PRELID2: variants seen among roughly 807,000 people sequenced by gnomAD.
The protein encoded by PRELID2 is PRELI domain-containing protein 2.
Under a neutral mutation model 28.4 loss-of-function variants are expected in PRELID2, and 25 were observed. The observed-to-expected ratio is 0.88, with a 90% CI of 0.64 to 1.23. The LOEUF (loss-of-function observed/expected upper bound fraction) is 1.23, where lower values mean the gene tolerates loss of function less well. PRELID2 is among the 50% of genes most tolerant of loss of function. The pLI is 0.00. For synonymous variants in PRELID2, 76 were observed against 71.6 expected (o/e 1.06, Z -0.31); for missense variants, 201 against 214.4 (o/e 0.94, Z 0.39).
chr5:145,307,775 G>A, the PRELID2 span, among the ~76,000 whole-genome samples: 1 of 151,888 alleles, frequency 6.6e-6, no homozygotes, highest in East Asian at 1.9e-4. Flanking sequence ...AGCCATAAAA[G>A]CAAGACCATT....
chr5:145,639,525 TG>T (rs1444768678), intron 1 of PRELID2, among the ~76,000 whole-genome samples: 1 of 152,190 alleles, frequency 6.6e-6, no homozygotes, highest in Non-Finnish European at 1.5e-5. Flanking sequence ...TTTGGAGTCT[TG>T]GGGCTCATAG....
At chr5:145,744,031 A>G (rs935820509) in intron 1 of PRELID2, among the ~76,000 whole-genome samples, 6 of 152,228 alleles carry the variant, frequency 3.9e-5, no homozygotes, top group African/African-American at 1.4e-4. Context: ...TGTATCCCCC[A>G]TAGCCCAACA....
chr5:145,316,515 C>A, the PRELID2 span, among the ~76,000 whole-genome samples: 5 of 152,236 alleles, frequency 3.3e-5, no homozygotes, highest in Non-Finnish European at 5.9e-5. Flanking sequence ...CTTCTCCACG[C>A]CCAATGTGAA....
intron 1 of PRELID2, among the ~76,000 whole-genome samples, chr5:145,563,364 C>T (rs1752939867): frequency 6.6e-6 from 1 of 152,176 alleles, no homozygotes; most frequent in African/African-American, 2.4e-5. Context: ...GCTCCTGGAT[C>T]CACACATAAC....
At chr5:145,643,776 G>T (rs1252718160) in intron 1 of PRELID2, among the ~76,000 whole-genome samples, 3 of 152,074 alleles carry the variant, frequency 2.0e-5, no homozygotes, top group Non-Finnish European at 4.4e-5. Context: ...ATAATCATGT[G>T]GTTTTTGTCA....
chr5:145,419,301 C>T, the PRELID2 span, among the ~76,000 whole-genome samples: 1 of 132,524 alleles, frequency 7.5e-6, no homozygotes, highest in Admixed American at 8.2e-5. Context: ...TGAGGAATCG[C>T]CACACTGACT....
chr5:145,716,217 G>T (rs1654235), intron 1 of PRELID2, among the ~76,000 whole-genome samples: 28,027 of 152,110 alleles, frequency 0.18, 3,002 homozygotes, highest in African/African-American at 0.29. Flanking sequence ...ATCCTGTCTT[G>T]TTCGTCATTG....
At chr5:145,828,616 T>C (rs1193420639) in intron 1 of PRELID2, among the ~76,000 whole-genome samples, 2 of 152,132 alleles carry the variant, frequency 1.3e-5, no homozygotes, top group African/African-American at 4.8e-5. Context: ...CTGGAGAGAA[T>C]ATTTACTTGT....
At position 145,741,284 on chromosome 5, in the gene PRELID2, TATAA is replaced by T. The variant is rs1417364599; in HGVS notation, n.70+23643_70+23646del. 7.7e-3 allele frequency among the ~76,000 whole-genome samples: 845 copies of T among 109,934 alleles called. 19 individuals carry two copies. Among genetic ancestry groups the T allele is most frequent in the East Asian group, 0.074 (257 of 3,470 alleles). 72.1% of individuals were successfully genotyped at this position (109,934 alleles called of 152,430 possible). ...AATATATATTTATATTTTATGTATA[TATAA>T]ATAAATTATATATAAATAATTTATT... On this transcript the variant is annotated intron_variant and non_coding_transcript_variant, in intron 1 of 2. Coordinates refer to the PRELID2 transcript ENST00000510259.
intron 1 of PRELID2, among the ~76,000 whole-genome samples, chr5:145,646,324 C>T (rs756478251): frequency 5.9e-5 from 9 of 151,998 alleles, no homozygotes; most frequent in Admixed American, 1.3e-4. Context: ...TTGATCTGTA[C>T]GGCTATTGAT....
chr5:145,404,328 A>G, the PRELID2 span, among the ~76,000 whole-genome samples: 3,845 of 152,318 alleles, frequency 0.025, 136 homozygotes, highest in African/African-American at 0.081. Context: ...CTGTCCTTCA[A>G]AAGGACAACA....
chr5:145,580,442 T>C (rs1362833146), intron 1 of PRELID2, among the ~76,000 whole-genome samples: 1 of 152,164 alleles, frequency 6.6e-6, no homozygotes, highest in Non-Finnish European at 1.5e-5. Context: ...TTCTGGATCA[T>C]GATTTTTCTA....
At chr5:145,576,142 T>A (rs1324494670) in intron 1 of PRELID2, among the ~76,000 whole-genome samples, 1 of 152,178 alleles carries the variant, frequency 6.6e-6, no homozygotes, top group Non-Finnish European at 1.5e-5. Context: ...TACTATTTAA[T>A]TCAACCATTT....
At chr5:145,566,451 A>G (rs868774) in intron 1 of PRELID2, among the ~76,000 whole-genome samples, 6 of 152,214 alleles carry the variant, frequency 3.9e-5, no homozygotes, top group Non-Finnish European at 7.4e-5. Flanking sequence ...ATAAAGAGAC[A>G]CAAAAATGAA....
intron 1 of PRELID2, among the ~76,000 whole-genome samples, chr5:145,502,996 A>G (rs1369126372): frequency 1.3e-5 from 2 of 152,142 alleles, no homozygotes; most frequent in Non-Finnish European, 2.9e-5. Context: ...CACAGCATAC[A>G]CTTTTTAACA....
chr5:145,577,229 G>T (rs1438789923), intron 1 of PRELID2, among the ~76,000 whole-genome samples: 1 of 152,060 alleles, frequency 6.6e-6, no homozygotes, highest in Non-Finnish European at 1.5e-5. Flanking sequence ...GCATCAAACA[G>T]ACAAAATAAA....
chr5:145,821,152 G>GGGGTGTGTGTGTGTGTGTGTGT (rs1471788872), intron 2 of PRELID2, among the ~76,000 whole-genome samples: 13 of 88,264 alleles, frequency 1.5e-4, no homozygotes, highest in East Asian at 5.6e-4. Flanking sequence ...AACTCTCCTG[G>GGGGTGTGTGTGTGTGTGTGTGT]GTGTGTGTGT....
At chr5:145,369,511 C>T in the PRELID2 span, among the ~76,000 whole-genome samples, 1 of 152,016 alleles carries the variant, frequency 6.6e-6, no homozygotes, top group African/African-American at 2.4e-5. Context: ...TTTCTTTATC[C>T]AGTTTATAAT....
chr5:145,385,458 C>G, the PRELID2 span, among the ~76,000 whole-genome samples: 1 of 152,120 alleles, frequency 6.6e-6, no homozygotes, highest in Non-Finnish European at 1.5e-5. Context: ...CCATCAGAAG[C>G]GATAGTTGCC....
Sources: gnomAD v4.1 joint callset for allele counts (sites outside exome capture counted in the v4.1 genomes callset) on GRCh38, gnomAD v4.1.1 for gene constraint, MANE v1.5 for transcripts, NCBI Gene and HGNC (gene_info 2026-07-23, HGNC 2026-07-21) for gene names.